CCSER1: variants seen among roughly 807,000 people sequenced by gnomAD.
CCSER1 encodes coiled-coil serine rich protein 1.
In CCSER1, 41 loss-of-function variants were observed where a neutral mutation model predicts 82.0. The ratio of observed to expected loss-of-function variants is 0.50; its 90% CI spans 0.39 to 0.65. The LOEUF is 0.65. CCSER1 is among the 30% of genes least tolerant of loss of function. CCSER1 has a pLI of 0.00. For synonymous variants in CCSER1, 414 were observed against 383.9 expected (o/e 1.08, Z -0.92); for missense variants, 1,119 against 1,064.2 (o/e 1.05, Z -0.72).
At chr4:91,113,689 T>A (rs1345485855) in intron 10 of CCSER1, among the ~76,000 whole-genome samples, 1 of 152,176 alleles carries the variant, frequency 6.6e-6, no homozygotes, top group Non-Finnish European at 1.5e-5. Flanking sequence ...CCCTTTGAGT[T>A]AAGAGTCAGT....
chr4:91,476,824 C>G (rs530000701), intron 10 of CCSER1, among the ~76,000 whole-genome samples: 8 of 151,818 alleles, frequency 5.3e-5, no homozygotes, highest in Non-Finnish European at 1.0e-4. Flanking sequence ...AAAGGACAAT[C>G]TCTTCAATAG....
At chr4:90,208,344 C>T (rs1739308195) in intron 1 of CCSER1, among the ~76,000 whole-genome samples, 3 of 152,158 alleles carry the variant, frequency 2.0e-5, no homozygotes, top group Non-Finnish European at 1.5e-5. Flanking sequence ...ATGGCAGATG[C>T]CCCTCCCCCA....
intron 10 of CCSER1, among the ~76,000 whole-genome samples, chr4:91,195,626 C>T (rs1327781092): frequency 1.3e-5 from 2 of 152,048 alleles, no homozygotes; most frequent in African/African-American, 4.8e-5. Context: ...TTGCCATGTG[C>T]CCTGCTACTC....
chr4:90,755,659 C>A (rs1561078929), intron 7 of CCSER1, among the ~76,000 whole-genome samples: 1 of 152,032 alleles, frequency 6.6e-6, no homozygotes, highest in Non-Finnish European at 1.5e-5. Flanking sequence ...AATGAAAACC[C>A]AATTGAGTTA....
chr4:90,437,288 CA>C (rs1180790531), intron 4 of CCSER1, among the ~76,000 whole-genome samples: 8 of 147,000 alleles, frequency 5.4e-5, no homozygotes. Flanking sequence ...CACACACACA[CA>C]TATATATATA....
At chr4:90,690,967 CTT>C (rs1446262577) in intron 6 of CCSER1, among the ~76,000 whole-genome samples, 2 of 151,998 alleles carry the variant, frequency 1.3e-5, no homozygotes, top group East Asian at 3.9e-4. Context: ...CTCAATGTCA[CTT>C]TTAACAATAT....
chr4:90,199,022 G>GT (rs1439064779), intron 1 of CCSER1, among the ~76,000 whole-genome samples: 1 of 151,818 alleles, frequency 6.6e-6, no homozygotes, highest in Non-Finnish European at 1.5e-5. Context: ...CTCCTTACCT[G>GT]TCTGCTATAC....
intron 6 of CCSER1, among the ~76,000 whole-genome samples, chr4:90,686,833 T>C (rs1343329755): frequency 2.6e-5 from 4 of 152,168 alleles, no homozygotes; most frequent in African/African-American, 9.7e-5. Flanking sequence ...CCTCTGCCAA[T>C]TTAGTGTTTT....
intron 10 of CCSER1, among the ~76,000 whole-genome samples, chr4:91,251,785 AATAAT>A (rs1228359101): frequency 3.9e-5 from 6 of 152,148 alleles, no homozygotes; most frequent in Non-Finnish European, 7.3e-5. Flanking sequence ...TATGCCACAT[AATAAT>A]ATGTTAAACA....
intron 1 of CCSER1, among the ~76,000 whole-genome samples, chr4:90,307,711 G>A (rs1202804905): frequency 6.6e-6 from 1 of 151,854 alleles, no homozygotes; most frequent in African/African-American, 2.4e-5. Context: ...AGTGCTGATT[G>A]TAGTGTCAGG....
At chr4:91,260,762 A>ATTTT (rs200337175) in intron 10 of CCSER1, among the ~76,000 whole-genome samples, 2 of 150,612 alleles carry the variant, frequency 1.3e-5, no homozygotes, top group African/African-American at 4.9e-5. Flanking sequence ...TTATTTATTT[A>ATTTT]TTTTTTTATT....
chr4:91,414,887 A>C (rs776389150), intron 10 of CCSER1, among the ~76,000 whole-genome samples: 4 of 152,180 alleles, frequency 2.6e-5, no homozygotes, highest in Non-Finnish European at 5.9e-5. Flanking sequence ...TGTAAGTATA[A>C]GTAAGTGCAT....
intron 8 of CCSER1, among the ~76,000 whole-genome samples, chr4:90,910,066 G>A (rs192912678): frequency 1.5e-4 from 23 of 152,206 alleles, no homozygotes; most frequent in Admixed American, 5.9e-4. Context: ...GAAGGAGAAG[G>A]GGAAGTAAGC....
chr4:90,805,166 T>G (rs926729503), intron 7 of CCSER1, among the ~76,000 whole-genome samples: 23 of 152,194 alleles, frequency 1.5e-4, no homozygotes, highest in Non-Finnish European at 2.8e-4. Context: ...TTTATTTAGT[T>G]CACAATTTTC....
At chr4:90,456,403 C>T (rs1040314010) in intron 4 of CCSER1, among the ~76,000 whole-genome samples, 5 of 152,102 alleles carry the variant, frequency 3.3e-5, no homozygotes, top group Non-Finnish European at 5.9e-5. Flanking sequence ...ATAGGAGCCA[C>T]GACAACCTTG....
intron 10 of CCSER1, among the ~76,000 whole-genome samples, chr4:91,477,742 T>C (rs1215830339): frequency 6.6e-6 from 1 of 151,788 alleles, no homozygotes; most frequent in Middle Eastern, 3.2e-3. Flanking sequence ...CTTGTGGCTT[T>C]CCAAAGGTGA....
chr4:90,712,368 A>G (rs188236858), intron 6 of CCSER1, among the ~76,000 whole-genome samples: 7 of 152,180 alleles, frequency 4.6e-5, no homozygotes, highest in Admixed American at 4.6e-4. Flanking sequence ...ATTTCAAAGG[A>G]CTTCTTGATT....
intron 10 of CCSER1, among the ~76,000 whole-genome samples, chr4:91,121,858 T>G (rs1727118761): frequency 6.6e-6 from 1 of 151,566 alleles, no homozygotes; most frequent in Non-Finnish European, 1.5e-5. Flanking sequence ...TCTTTTGACA[T>G]CCATAATTTC....
chr4:91,374,676 T>TCC (rs1750275176), intron 10 of CCSER1, among the ~76,000 whole-genome samples: 1 of 152,224 alleles, frequency 6.6e-6, no homozygotes, highest in Non-Finnish European at 1.5e-5. Flanking sequence ...AAGGAATAAT[T>TCC]TTGACTTTCA....
Sources: gnomAD v4.1 joint callset for allele counts (sites outside exome capture counted in the v4.1 genomes callset) on GRCh38, gnomAD v4.1.1 for gene constraint, MANE v1.5 for transcripts, NCBI Gene and HGNC (gene_info 2026-07-23, HGNC 2026-07-21) for gene names.